Variants in NRXN1 observed in about 807,000 individuals in gnomAD.
NRXN1 encodes neurexin-1.
In NRXN1, 39 loss-of-function variants were observed where a neutral mutation model predicts 150.9. The observed-to-expected ratio is 0.26, with a 90% CI of 0.20 to 0.34. The LOEUF is 0.34. NRXN1 is among the 10% of genes least tolerant of loss of function. The pLI is 1.00. For missense variants in NRXN1, 1,815 were observed against 1,949.9 expected (o/e 0.93, Z 1.30); for synonymous variants, 924 against 757.0 (o/e 1.22, Z -3.62).
rs555583176 is a variant in NRXN1 at position 50,722,679 on chromosome 2, C to CTTT, written c.833-99067_833-99065dup. Among the ~76,000 whole-genome samples the CTTT allele has an allele frequency of 2.5e-3, 384 of 152,248 alleles. 6 individuals are homozygous for CTTT. Among genetic ancestry groups the CTTT allele is most frequent in the Admixed American group, 0.022 (341 of 15,286 alleles). Reference sequence around the variant, plus strand: ...TTTTATGTTTTGTATAGTGAATATGCTTTTCTTTTGTAATTAGAAAAACAT... The same window carrying CTTT: ...TTTTATGTTTTGTATAGTGAATATGCTTTTTTTCTTTTGTAATTAGAAAAACAT... On this transcript the variant is annotated intron_variant, in intron 5 of 22. Coordinates refer to ENST00000401669, the MANE Select transcript of NRXN1 (RefSeq NM_001330078.2).
At chr2:50,023,587 C>T (rs1687875655) in intron 21 of NRXN1, 1 of 152,182 alleles carries the variant, frequency 6.6e-6, no homozygotes, top group African/African-American at 2.4e-5. Context: ...ATCAGCACCA[C>T]ATTCAAAAAT....
intron 5 of NRXN1, chr2:50,918,024 A>C (rs1685463780): frequency 6.6e-6 from 1 of 151,684 alleles, no homozygotes; most frequent in Non-Finnish European, 1.5e-5. Flanking sequence ...GTTCAGGTGG[A>C]AGAGTTGTAT....
At chr2:49,985,012 T>C (rs535250670) in intron 21 of NRXN1, among the ~76,000 whole-genome samples, 53 of 152,266 alleles carry the variant, frequency 3.5e-4, no homozygotes, top group African/African-American at 1.1e-3. Flanking sequence ...AATAACTTAG[T>C]GGAGAGAATG....
intron 18 of NRXN1, among the ~76,000 whole-genome samples, chr2:50,234,820 G>A (rs1305368219): frequency 6.6e-6 from 1 of 151,940 alleles, no homozygotes; most frequent in Non-Finnish European, 1.5e-5. Context: ...GATTCAGAAA[G>A]AAGAAGGCCT....
intron 5 of NRXN1, among the ~76,000 whole-genome samples, chr2:50,803,308 G>A (rs1198165408): frequency 6.6e-6 from 1 of 152,098 alleles, no homozygotes; most frequent in Non-Finnish European, 1.5e-5. Flanking sequence ...AAATGTTGTT[G>A]ATATATTTAT....
intron 2 of NRXN1, among the ~76,000 whole-genome samples, chr2:50,980,361 T>A (rs983440558): frequency 6.6e-6 from 1 of 152,126 alleles, no homozygotes; most frequent in African/African-American, 2.4e-5. Context: ...AATGAGCTGT[T>A]CATTCAAAAG....
chr2:50,525,399 C>T (rs2105161723), intron 12 of NRXN1, among the ~76,000 whole-genome samples: 1 of 152,174 alleles, frequency 6.6e-6, no homozygotes, highest in Admixed American at 6.5e-5. Context: ...ATTAAAGTAT[C>T]CTTCACTGTC....
At chr2:50,395,665 T>C (rs2082008190) in intron 17 of NRXN1, among the ~76,000 whole-genome samples, 1 of 152,170 alleles carries the variant, frequency 6.6e-6, no homozygotes, top group Admixed American at 6.6e-5. Flanking sequence ...ACTTAACTTA[T>C]GCCAGGGAAT....
intron 5 of NRXN1, among the ~76,000 whole-genome samples, chr2:50,687,566 C>T (rs765533223): frequency 6.6e-6 from 1 of 152,098 alleles, no homozygotes; most frequent in Non-Finnish European, 1.5e-5. Flanking sequence ...GCTGGGAAAC[C>T]AGATAACCAA....
At chr2:50,027,260 T>TTTCC (rs942444143) in intron 21 of NRXN1, among the ~76,000 whole-genome samples, 5 of 151,678 alleles carry the variant, frequency 3.3e-5, no homozygotes, top group South Asian at 4.2e-4. Context: ...TATTTCCTTC[T>TTTCC]TTCCTTCCTT....
At chr2:50,664,776 C>A (rs1241903964) in intron 5 of NRXN1, among the ~76,000 whole-genome samples, 1 of 146,650 alleles carries the variant, frequency 6.8e-6, no homozygotes. Flanking sequence ...GTTAACATTC[C>A]TAAAAAAAAA....
At chr2:49,926,077 T>C (rs1669062381) in intron 22 of NRXN1, among the ~76,000 whole-genome samples, 1 of 152,224 alleles carries the variant, frequency 6.6e-6, no homozygotes, top group Non-Finnish European at 1.5e-5. Flanking sequence ...ATGCACACCT[T>C]CATCACAATA....
At chr2:50,948,623 T>C (rs938603656) in intron 2 of NRXN1, among the ~76,000 whole-genome samples, 1 of 152,046 alleles carries the variant, frequency 6.6e-6, no homozygotes, top group African/African-American at 2.4e-5. Flanking sequence ...GAGCAGCTAA[T>C]ACATACTGCC....
intron 2 of NRXN1, among the ~76,000 whole-genome samples, chr2:50,946,071 G>A (rs757674597): frequency 1.3e-5 from 2 of 151,794 alleles, no homozygotes; most frequent in Non-Finnish European, 1.5e-5. Flanking sequence ...AGCTGATCCA[G>A]TAATGCTAGA....
intron 15 of NRXN1, among the ~76,000 whole-genome samples, chr2:50,481,334 A>G (rs1447885797): frequency 6.6e-6 from 1 of 152,224 alleles, no homozygotes; most frequent in East Asian, 1.9e-4. Flanking sequence ...TCCTGAGACA[A>G]CTGGTACAAT....
chr2:50,671,513 AATTT>A (rs1180177397), intron 5 of NRXN1, among the ~76,000 whole-genome samples: 11 of 151,528 alleles, frequency 7.3e-5, no homozygotes, highest in South Asian at 2.1e-4. Context: ...CATTACACCA[AATTT>A]ATTTAATATT....
chr2:50,420,448 A>C (rs1406409668), intron 17 of NRXN1, among the ~76,000 whole-genome samples: 1 of 151,752 alleles, frequency 6.6e-6, no homozygotes, highest in Non-Finnish European at 1.5e-5. Flanking sequence ...AAACCAAGCA[A>C]ACAAAAATCA....
chr2:50,916,656 A>G (rs1308720667), intron 5 of NRXN1, among the ~76,000 whole-genome samples: 1 of 151,688 alleles, frequency 6.6e-6, no homozygotes, highest in Non-Finnish European at 1.5e-5. Context: ...TTTTTAAACT[A>G]TTAAAGTACA....
At chr2:50,014,202 A>G (rs1686197717) in intron 21 of NRXN1, among the ~76,000 whole-genome samples, 1 of 152,094 alleles carries the variant, frequency 6.6e-6, no homozygotes, top group Non-Finnish European at 1.5e-5. Context: ...TTCCGATTTA[A>G]TAAGTAAGTA....
Sources: gnomAD v4.1 joint callset for allele counts (sites outside exome capture counted in the v4.1 genomes callset) on GRCh38, gnomAD v4.1.1 for gene constraint, MANE v1.5 for transcripts, NCBI Gene and HGNC (gene_info 2026-07-23, HGNC 2026-07-21) for gene names.